The following CFTR variants were observed in gnomAD, a reference collection of about 807,000 sequenced individuals.
CFTR encodes the protein cystic fibrosis transmembrane conductance regulator.
In CFTR, 181 loss-of-function variants were observed where a neutral mutation model predicts 171.6. The observed-to-expected ratio is 1.05, with a 90% CI of 0.93 to 1.19. The LOEUF (loss-of-function observed/expected upper bound fraction) is 1.19. Among genes scored for constraint, CFTR ranks in the 50% most tolerant of loss-of-function variants. CFTR has a pLI of 0.00. For synonymous variants in CFTR, 583 were observed against 608.0 expected, an observed-to-expected ratio of 0.96 and a Z score of 0.60; for missense variants, 1,968 against 1,734.7, an observed-to-expected ratio of 1.13 and a Z score of -2.39.
At chr7:117,517,174 A>T (rs959435574) in intron 3 of CFTR, among the ~76,000 whole-genome samples, 4 of 152,100 alleles carry the variant, frequency 2.6e-5, no homozygotes, top group Non-Finnish European at 5.9e-5. Flanking sequence ...CATCATCTAC[A>T]TTAGGTATTT....
chr7:117,599,162 C>T (rs1425154964), intron 15 of CFTR, among the ~76,000 whole-genome samples: 1 of 152,050 alleles, frequency 6.6e-6, no homozygotes, highest in Non-Finnish European at 1.5e-5. Context: ...TGCCAAATGA[C>T]CAACATGAAT....
intron 3 of CFTR, among the ~76,000 whole-genome samples, chr7:117,529,851 T>C (rs541892859): frequency 6.6e-5 from 10 of 152,278 alleles, no homozygotes; most frequent in African/African-American, 2.4e-4. Context: ...CTTGGAAATA[T>C]ATATTTTAAA....
chr7:117,482,897 A>G (rs1246542165), intron 1 of CFTR, among the ~76,000 whole-genome samples: 3 of 152,204 alleles, frequency 2.0e-5, no homozygotes, highest in Non-Finnish European at 4.4e-5. Context: ...GTCTAGGTCT[A>G]TACTGAGGAA....
intron 7 of CFTR, among the ~76,000 whole-genome samples, chr7:117,537,277 T>C (rs1165700918): frequency 6.6e-6 from 1 of 152,210 alleles, no homozygotes; most frequent in Admixed American, 6.5e-5. Flanking sequence ...TCACCTCATA[T>C]AACCTTTCAC....
chr7:117,651,210 T>C (rs1280149511), intron 23 of CFTR, among the ~76,000 whole-genome samples: 2 of 152,212 alleles, frequency 1.3e-5, no homozygotes, highest in Non-Finnish European at 2.9e-5. Context: ...TATTGTTTGA[T>C]ACTTGGTTAA....
At chr7:117,554,700 A>C (rs1158242974) in intron 10 of CFTR, among the ~76,000 whole-genome samples, 5 of 152,120 alleles carry the variant, frequency 3.3e-5, no homozygotes, top group Non-Finnish European at 7.3e-5. Flanking sequence ...AAAGTCTGAG[A>C]AGACAAAGCT....
At chr7:117,549,321 A>G (rs139781328) in intron 10 of CFTR, among the ~76,000 whole-genome samples, 1 of 152,326 alleles carries the variant, frequency 6.6e-6, no homozygotes, top group East Asian at 1.9e-4. Context: ...TTGAGGAAAT[A>G]CATAGGAATG....
intron 3 of CFTR, among the ~76,000 whole-genome samples, chr7:117,513,756 C>T (rs1798556811): frequency 6.6e-6 from 1 of 152,124 alleles, no homozygotes; most frequent in East Asian, 1.9e-4. Context: ...AAATGTCTGC[C>T]ATGTAGAATT....
intron 22 of CFTR, among the ~76,000 whole-genome samples, chr7:117,641,415 A>G (rs1792910206): frequency 6.6e-6 from 1 of 152,196 alleles, no homozygotes; most frequent in Non-Finnish European, 1.5e-5. Context: ...TTAGAAATTT[A>G]AAAAGAAAAC....
At chr7:117,567,163 G>A (rs1420873593) in intron 11 of CFTR, among the ~76,000 whole-genome samples, 1 of 152,012 alleles carries the variant, frequency 6.6e-6, no homozygotes, top group African/African-American at 2.4e-5. Flanking sequence ...CCGATGTTTC[G>A]ACCCTCTTGA....
chr7:117,574,669 A>G (rs1248972064), intron 11 of CFTR, among the ~76,000 whole-genome samples: 1 of 152,104 alleles, frequency 6.6e-6, no homozygotes, highest in African/African-American at 2.4e-5. Context: ...TTTTTACCCC[A>G]TTCTTCTTAC....
chr7:117,611,330 G>A (rs989643287), intron 19 of CFTR, among the ~76,000 whole-genome samples: 1 of 152,050 alleles, frequency 6.6e-6, no homozygotes, highest in Admixed American at 6.6e-5. Flanking sequence ...AGCCAAGAAA[G>A]AGGAATAAAT....
intron 21 of CFTR, among the ~76,000 whole-genome samples, chr7:117,626,273 AT>A (rs535191451): frequency 2.0e-5 from 3 of 152,122 alleles, no homozygotes; most frequent in Non-Finnish European, 4.4e-5. Context: ...CCTCTGCTTT[AT>A]CCACCAATCA....
chr7:117,652,019 T>C (rs1793096523), intron 23 of CFTR, among the ~76,000 whole-genome samples: 1 of 152,162 alleles, frequency 6.6e-6, no homozygotes. Context: ...TTATTTTCAA[T>C]TCACCCCAGG....
intron 3 of CFTR, among the ~76,000 whole-genome samples, chr7:117,517,356 C>T (rs1798611121): frequency 6.6e-6 from 1 of 152,130 alleles, no homozygotes; most frequent in Admixed American, 6.5e-5. Context: ...TGGTTTCCAG[C>T]TTCATCCATG....
intron 23 of CFTR, among the ~76,000 whole-genome samples, chr7:117,649,898 T>C (rs2116189081): frequency 6.6e-6 from 1 of 152,212 alleles, no homozygotes; most frequent in East Asian, 1.9e-4. Context: ...AAGTGATATT[T>C]AATTTGAAAC....
chr7:117,529,926 C>A (rs550072386), intron 3 of CFTR, among the ~76,000 whole-genome samples: 1 of 152,012 alleles, frequency 6.6e-6, no homozygotes, highest in African/African-American at 2.4e-5. Flanking sequence ...TTTACTAAAT[C>A]GTTATAAAAC....
chr7:117,498,292 A>G (rs1584771818), intron 1 of CFTR, among the ~76,000 whole-genome samples: 1 of 152,190 alleles, frequency 6.6e-6, no homozygotes, highest in Non-Finnish European at 1.5e-5. Context: ...ATTAACTCAA[A>G]TATACACAAG....
At chr7:117,610,342 TA>T (rs1480012751) in intron 18 of CFTR, among the ~76,000 whole-genome samples, 176 bp from the exon 19 acceptor site, 2 of 149,796 alleles carry the variant, frequency 1.3e-5, no homozygotes, top group African/African-American at 4.9e-5. Flanking sequence ...CATATGTAAC[TA>T]ACCTGCACAA....
Sources: gnomAD v4.1 joint callset for allele counts (sites outside exome capture counted in the v4.1 genomes callset) on GRCh38, gnomAD v4.1.1 for gene constraint, MANE v1.5 for transcripts, NCBI Gene and HGNC (gene_info 2026-07-23, HGNC 2026-07-21) for gene names.